Variants in ATXN1 observed in about 807,000 individuals in gnomAD.
ATXN1 encodes ataxin 1.
ATXN1 carries 8 observed loss-of-function variants against 56.4 expected under a neutral mutation model. The ratio of observed to expected loss-of-function variants is 0.14; its 90% CI spans 0.08 to 0.26. The LOEUF is 0.26. Ranked by LOEUF, ATXN1 falls within the 10% of genes least tolerant of loss-of-function variation. ATXN1 has a pLI of 1.00. For missense variants in ATXN1, 987 were observed against 1,106.5 expected (o/e 0.89, Z 1.53); for synonymous variants, 514 against 494.6 (o/e 1.04, Z -0.52).
At chr6:16,345,740 G>A (rs952692966) in intron 6 of ATXN1, among the ~76,000 whole-genome samples, 4 of 152,106 alleles carry the variant, frequency 2.6e-5, no homozygotes, top group Non-Finnish European at 5.9e-5. Context: ...CTAGCAAGAT[G>A]GACAATGGGA....
At chr6:16,454,113 G>A (rs926878053) in intron 6 of ATXN1, among the ~76,000 whole-genome samples, 1 of 118,128 alleles carries the variant, frequency 8.5e-6, no homozygotes, top group Non-Finnish European at 1.6e-5. Flanking sequence ...CAATAAGAGC[G>A]AGACTCTGTC....
intron 2 of ATXN1, among the ~76,000 whole-genome samples, chr6:16,719,734 C>T (rs1321195262): frequency 6.6e-6 from 1 of 152,100 alleles, no homozygotes; most frequent in Non-Finnish European, 1.5e-5. Flanking sequence ...CACTGTTCTT[C>T]TAAGAGACAG....
At chr6:16,537,392 A>ATAAG (rs1761621601) in intron 4 of ATXN1, among the ~76,000 whole-genome samples, 1 of 152,028 alleles carries the variant, frequency 6.6e-6, no homozygotes, top group South Asian at 2.1e-4. Flanking sequence ...ACTCTAGTGC[A>ATAAG]TAAGTGGCTG....
intron 6 of ATXN1, among the ~76,000 whole-genome samples, chr6:16,374,450 T>C (rs1472207044): frequency 6.6e-6 from 1 of 152,244 alleles, no homozygotes; most frequent in Non-Finnish European, 1.5e-5. Context: ...ATGCCGTATA[T>C]AACAAGTTCC....
chr6:16,491,258 AATT>A (rs71535082), intron 5 of ATXN1, among the ~76,000 whole-genome samples: 5 of 107,428 alleles, frequency 4.7e-5, no homozygotes, highest in South Asian at 3.5e-4. Flanking sequence ...ACACCTGGCT[AATT>A]ATTATTATTA....
intron 6 of ATXN1, among the ~76,000 whole-genome samples, chr6:16,457,845 A>C (rs1759910373): frequency 1.3e-5 from 2 of 152,194 alleles, no homozygotes; most frequent in African/African-American, 4.8e-5. Context: ...AAATTTCCAA[A>C]GGACCACCAA....
chr6:16,579,496 C>G (rs939214766), intron 4 of ATXN1, among the ~76,000 whole-genome samples: 1 of 90,978 alleles, frequency 1.1e-5, no homozygotes, highest in Non-Finnish European at 2.9e-5. Flanking sequence ...CCCCCCCACC[C>G]GCCGATTCAT....
At chr6:16,737,941 G>A (rs144596891) in intron 2 of ATXN1, 4 of 152,026 alleles carry the variant, frequency 2.6e-5, no homozygotes, top group East Asian at 1.9e-4. Flanking sequence ...CAAAATAGAC[G>A]GCATCCAGTT....
chr6:16,424,551 C>T (rs941312035), intron 6 of ATXN1, among the ~76,000 whole-genome samples: 1 of 152,204 alleles, frequency 6.6e-6, no homozygotes, highest in Admixed American at 6.5e-5. Context: ...TACAGACCAG[C>T]TCATGCCCCA....
rs775100540 is a variant in ATXN1, at chr6:16,328,171, G to A, written c.140C>T (p.Pro47Leu). The A allele has an allele frequency of 1.0e-5, 16 of 1,594,240 alleles. No individual in the cohort carries two copies. Among genetic ancestry groups the A allele is most frequent in the East Asian group, 4.5e-5 (2 of 44,570 alleles). ...GTGGCCCCGGCCACCAGGGTTGCCC[G>A]GGAGCCATGCTGTGCCCTCCACCCG... is the stretch of plus-strand genomic sequence containing the variant. ...NHRVEGTAWL[P>L]GNPGGRGHGG... The change falls in exon 7 of 8, where the codon CCG becomes CTG. Residue 47 changes from proline (P) to leucine (L), a missense_variant. This residue lies in a region of ATXN1 where 723 missense variants were observed against 791.7 expected (regional missense o/e 0.91). Coordinates refer to ENST00000436367, the MANE Select transcript of ATXN1 (RefSeq NM_001128164.2). This position sits in a 1 kb window ranked among gnomAD's most constrained non-coding sequence, Gnocchi z 6.2.
intron 3 of ATXN1, among the ~76,000 whole-genome samples, chr6:16,621,667 C>G (rs11962254): frequency 6.6e-6 from 1 of 152,134 alleles, no homozygotes; most frequent in Non-Finnish European, 1.5e-5. Context: ...GAGCCAAGAT[C>G]GTGCCACTGC....
intron 6 of ATXN1, among the ~76,000 whole-genome samples, chr6:16,416,990 C>T (rs1021913785): frequency 2.6e-5 from 4 of 152,120 alleles, no homozygotes; most frequent in Non-Finnish European, 5.9e-5. Flanking sequence ...GGCACCTAAC[C>T]CTACAATATT....
intron 7 of ATXN1, among the ~76,000 whole-genome samples, chr6:16,315,536 G>A (rs1293682446): frequency 6.6e-6 from 1 of 151,942 alleles, no homozygotes; most frequent in African/African-American, 2.4e-5. Flanking sequence ...CTTCCGTCTG[G>A]GCACCTGCTA....
chr6:16,334,841 G>C (rs1202739460), intron 6 of ATXN1, among the ~76,000 whole-genome samples: 1 of 152,202 alleles, frequency 6.6e-6, no homozygotes, highest in African/African-American at 2.4e-5. Flanking sequence ...GCATGTCTAG[G>C]GGGAGTGATC....
chr6:16,466,230 G>A (rs1291336228), intron 6 of ATXN1, among the ~76,000 whole-genome samples: 1 of 147,834 alleles, frequency 6.8e-6, no homozygotes, highest in Admixed American at 6.9e-5. Flanking sequence ...CAGGAGAATC[G>A]CTTGTACCCA....
chr6:16,741,032 C>T (rs1188462307), intron 2 of ATXN1, among the ~76,000 whole-genome samples: 1 of 152,150 alleles, frequency 6.6e-6, no homozygotes, highest in East Asian at 1.9e-4. Flanking sequence ...GGTATCTTGG[C>T]TGTACAAGGA....
chr6:16,464,655 T>C (rs528482646), intron 6 of ATXN1, among the ~76,000 whole-genome samples: 2 of 151,980 alleles, frequency 1.3e-5, no homozygotes, highest in African/African-American at 4.8e-5. Context: ...TACACGCATA[T>C]TGCCACATGA....
At chr6:16,706,730 A>T (rs1373425624) in intron 2 of ATXN1, among the ~76,000 whole-genome samples, 2 of 78,788 alleles carry the variant, frequency 2.5e-5, no homozygotes, top group Non-Finnish European at 5.3e-5. Flanking sequence ...TCTCAAAAAA[A>T]AAAAAAAAAA....
At chr6:16,638,918 G>T (rs1763650331) in intron 3 of ATXN1, among the ~76,000 whole-genome samples, 1 of 152,274 alleles carries the variant, frequency 6.6e-6, no homozygotes, top group South Asian at 2.1e-4. Flanking sequence ...ATTAAATGCA[G>T]AAGTGGTATT....
Sources: gnomAD v4.1 joint callset for allele counts (sites outside exome capture counted in the v4.1 genomes callset) on GRCh38, gnomAD v4.1.1 for gene constraint, gnomAD v4.1.1 regional missense constraint, Gnocchi (gnomAD v3.1) non-coding constraint, MANE v1.5 for transcripts, NCBI Gene and HGNC (gene_info 2026-07-23, HGNC 2026-07-21) for gene names.